GALK2: variants seen among roughly 807,000 people sequenced by gnomAD.
GALK2 encodes the protein galactokinase 2.
In GALK2, 36 loss-of-function variants were observed where a neutral mutation model predicts 52.4. The ratio of observed to expected loss-of-function variants is 0.69; its 90% CI spans 0.53 to 0.91. The LOEUF is 0.91. GALK2 is among the 40% of genes least tolerant of loss of function. The pLI, the probability that GALK2 is intolerant of heterozygous loss-of-function variation, is 0.00. For missense variants in GALK2, 579 were observed against 559.1 expected (o/e 1.04, Z -0.36); for synonymous variants, 176 against 199.1 (o/e 0.88, Z 0.98).
chr15:49,301,735 G>C (rs1335574359), intron 8 of GALK2, among the ~76,000 whole-genome samples: 1 of 152,156 alleles, frequency 6.6e-6, no homozygotes, highest in Non-Finnish European at 1.5e-5. Context: ...TGCTGGGGTA[G>C]ACCCAAATTT....
intron 1 of GALK2, among the ~76,000 whole-genome samples, chr15:49,193,712 GT>G (rs1460759757): frequency 2.0e-5 from 3 of 151,144 alleles, no homozygotes; most frequent in African/African-American, 7.3e-5. Context: ...CTAGCATTCT[GT>G]TTTTTTATTT....
At chr15:49,216,928 A>T (rs74368018) in intron 2 of GALK2, among the ~76,000 whole-genome samples, 1 of 152,210 alleles carries the variant, frequency 6.6e-6, no homozygotes, top group South Asian at 2.1e-4. Flanking sequence ...CCCTGATGTT[A>T]TGTTAAAACC....
At chr15:49,367,409 G>A in intron 3 of GALK2, 3 of 1,473,642 alleles carry the variant, frequency 2.0e-6, no homozygotes, top group Non-Finnish European at 2.7e-6. Flanking sequence ...TATTATTTTT[G>A]AAAGAAATTA....
intron 1 of GALK2, among the ~76,000 whole-genome samples, chr15:49,196,615 A>G (rs946558236): frequency 6.6e-6 from 1 of 152,144 alleles, no homozygotes; most frequent in Non-Finnish European, 1.5e-5. Context: ...ATATGTATAC[A>G]TCCATAAAAT....
At chr15:49,347,310 G>A (rs1386209078) in intron 3 of GALK2, among the ~76,000 whole-genome samples, 1 of 152,208 alleles carries the variant, frequency 6.6e-6, no homozygotes, top group Non-Finnish European at 1.5e-5. Flanking sequence ...CATTTTTGAA[G>A]TAGGAGACAG....
chr15:49,250,778 T>C (rs1368402808), intron 5 of GALK2, among the ~76,000 whole-genome samples: 2 of 152,184 alleles, frequency 1.3e-5, no homozygotes, highest in African/African-American at 4.8e-5. Context: ...TACATTTTCA[T>C]GTATATAATT....
chr15:49,216,649 G>GC (rs1315309033), intron 2 of GALK2, among the ~76,000 whole-genome samples: 1 of 152,220 alleles, frequency 6.6e-6, no homozygotes, highest in African/African-American at 2.4e-5. Flanking sequence ...AGTTTAGTTA[G>GC]CCAGAGGTGA....
chr15:49,265,526 A>G (rs2092327264), intron 5 of GALK2, among the ~76,000 whole-genome samples: 1 of 152,216 alleles, frequency 6.6e-6, no homozygotes, highest in Non-Finnish European at 1.5e-5. Flanking sequence ...GCGCTTCCCG[A>G]GTGAGGCAAT....
intron 5 of GALK2, among the ~76,000 whole-genome samples, chr15:49,258,786 A>ATGTGTGTG (rs1347227226): frequency 1.8e-5 from 2 of 109,742 alleles, no homozygotes; most frequent in South Asian, 3.6e-4. Context: ...GCATATATAT[A>ATGTGTGTG]TATATATATG....
chr15:49,292,529 C>G lies in GALK2; in HGVS notation c.959C>G (p.Thr320Ser), dbSNP rs748634113. The stretch of plus-strand genomic sequence containing the variant: ...CGAACCCAAATCCTGAGTCCAAACA[C>G]TCAAGATGGTGAGTTGGCTGGAGAA... ...ELRTQILSPN[T>S]QDVLIFKLYQ... Residue 320 changes from threonine to serine, a missense_variant, in exon 8 of 10, where the codon ACT becomes AGT. Physicochemically the swap from Thr to Ser is moderately conservative, Grantham distance 58 (BLOSUM62 1). Coordinates refer to ENST00000560031, the MANE Select transcript of GALK2 (RefSeq NM_002044.4). 1 of 1,613,408 alleles carries G rather than the reference C, an allele frequency of 6.2e-7. No individual in the cohort carries two copies. The highest frequency in any genetic ancestry group is 1.7e-5 in the Admixed American group (1 of 59,952).
rs1160140797 is a variant in GALK2 at position 49,329,430 on chromosome 15, C to G, written c.*1271C>G. 1.0e-6 allele frequency: 1 copy of G among 982,952 alleles called. No homozygotes were observed. The highest frequency in any genetic ancestry group is 1.7e-5 in the African/African-American group (1 of 57,178). The allele number at this position is 982,952 out of a possible 1,614,324, so 60.9% of individuals were successfully genotyped here. On this transcript the variant is annotated 3_prime_UTR_variant, in exon 10 of 10. Coordinates refer to ENST00000560031, the MANE Select transcript of GALK2 (RefSeq NM_002044.4). ...ATTATCCAAAAAAATATCAGAATTACTTATTATTCTGTGATTTCATTAGCT... is the reference window on the plus strand; with the variant it reads ...ATTATCCAAAAAAATATCAGAATTAGTTATTATTCTGTGATTTCATTAGCT...
chr15:49,165,800 CTTTTT>C (rs552058665), upstream of GALK2, among the ~76,000 whole-genome samples: 1 of 134,720 alleles, frequency 7.4e-6, no homozygotes, highest in Non-Finnish European at 1.6e-5. Flanking sequence ...TAATGTATTT[CTTTTT>C]TTTTTTTTTT....
chr15:49,264,065 G>C (rs957618306), intron 5 of GALK2, among the ~76,000 whole-genome samples: 11 of 151,626 alleles, frequency 7.3e-5, no homozygotes, highest in Non-Finnish European at 1.2e-4. Context: ...TGCTCTTCTC[G>C]AGGAGTATCT....
chr15:49,358,982 T>C (rs1352015288), intron 3 of GALK2, among the ~76,000 whole-genome samples: 2 of 151,038 alleles, frequency 1.3e-5, no homozygotes, highest in African/African-American at 4.9e-5. Flanking sequence ...AAACAAGCAA[T>C]GGGGAAAGGA....
rs571930423 is a variant in GALK2, at chr15:49,160,813, G to A, written c.20+4797G>A. On this transcript the variant is annotated intron_variant, in intron 1 of 9. Coordinates refer to the GALK2 transcript ENST00000327171. ...AACCGGGGAGGTGGAGGCGGAGGTT[G>A]CAGTGAGCTGAGATCGTGCCACTGC... Among the ~76,000 whole-genome samples, 4 of 152,122 alleles carry A rather than the reference G, an allele frequency of 2.6e-5. No individual in the cohort carries two copies. The East Asian group carries it at 7.7e-4, about 29-fold the overall frequency.
chr15:49,285,451 G>C (rs1472663578), intron 7 of GALK2, among the ~76,000 whole-genome samples: 1 of 152,050 alleles, frequency 6.6e-6, no homozygotes, highest in Admixed American at 6.6e-5. Flanking sequence ...TCAAGGCCTT[G>C]GCCTTGGTCG....
intron 3 of GALK2, 26 bp downstream of exon 3, chr15:49,217,339 T>A: frequency 6.2e-7 from 1 of 1,611,460 alleles, no homozygotes; most frequent in Non-Finnish European, 8.5e-7. Context: ...TGTTAGTGTG[T>A]GTGTATGTAT....
intron 1 of GALK2, among the ~76,000 whole-genome samples, chr15:49,160,464 A>G (rs889927060): frequency 6.6e-6 from 1 of 152,126 alleles, no homozygotes. Context: ...TCAGAAACCT[A>G]TACTTGTAAC....
At chr15:49,207,431 A>G (rs1303769728) in intron 2 of GALK2, among the ~76,000 whole-genome samples, 2 of 152,142 alleles carry the variant, frequency 1.3e-5, no homozygotes, top group Non-Finnish European at 2.9e-5. Context: ...ATTGGTTTCA[A>G]TTCTTCTTTG....
Sources: allele counts gnomAD v4.1 joint callset (sites outside exome capture counted in the v4.1 genomes callset), GRCh38; gene constraint gnomAD v4.1.1; transcripts MANE v1.5; gene names NCBI Gene and HGNC (gene_info 2026-07-23, HGNC 2026-07-21).